The following KAZN variants were observed in gnomAD, a reference collection of about 807,000 sequenced individuals.
The protein encoded by KAZN is kazrin.
Under a neutral mutation model 87.4 loss-of-function variants are expected in KAZN, and 40 were observed. The observed-to-expected ratio is 0.46, with a 90% CI of 0.36 to 0.60. The LOEUF (loss-of-function observed/expected upper bound fraction) is 0.60, where lower values mean the gene tolerates loss of function less well. Ranked by LOEUF, KAZN falls within the 20% of genes least tolerant of loss-of-function variation. The pLI is 0.00. For synonymous variants in KAZN, 466 were observed against 458.3 expected, an observed-to-expected ratio of 1.02 and a Z score of -0.22; for missense variants, 898 against 1,073.9, an observed-to-expected ratio of 0.84 and a Z score of 2.29.
intron 2 of KAZN, among the ~76,000 whole-genome samples, chr1:14,376,731 CCT>C (rs1660945890): frequency 6.6e-6 from 1 of 152,164 alleles, no homozygotes; most frequent in Non-Finnish European, 1.5e-5. Context: ...AATCATATGA[CCT>C]CTGTGTGCAG....
chr1:14,782,695 T>C (rs1029354432), intron 1 of KAZN, among the ~76,000 whole-genome samples: 16 of 152,144 alleles, frequency 1.1e-4, no homozygotes, highest in African/African-American at 2.2e-4. Flanking sequence ...TAAGTTTCTA[T>C]GGAAACAATT....
At chr1:14,727,828 T>G (rs899126098) in intron 1 of KAZN, among the ~76,000 whole-genome samples, 1 of 152,038 alleles carries the variant, frequency 6.6e-6, no homozygotes, top group Non-Finnish European at 1.5e-5. Context: ...CTCACCATTG[T>G]GTAGAATTCG....
rs138964840 is a variant in KAZN at position 14,235,412 on chromosome 1, T to A, written c.249+54820T>A. Among the ~76,000 whole-genome samples the A allele has an allele frequency of 2.4e-3, 372 of 152,310 alleles. 2 individuals carry two copies. Among genetic ancestry groups the A allele is most frequent in the African/African-American group, 7.9e-3 (327 of 41,566 alleles). On this transcript the variant is annotated intron_variant, in intron 2 of 16. Coordinates refer to the KAZN transcript ENST00000636203. ...ATTTATGCGAATGGTCTAGGATAGA[T>A]AAATTCATAGTCAGAAAGCAGATTA... is the stretch of plus-strand genomic sequence containing the variant.
At chr1:14,209,351 G>A (rs1458153737) in intron 2 of KAZN, among the ~76,000 whole-genome samples, 1 of 152,170 alleles carries the variant, frequency 6.6e-6, no homozygotes, top group Non-Finnish European at 1.5e-5. Flanking sequence ...GGCCCAAGAG[G>A]CCTGGAGGTC....
At chr1:15,031,827 T>C (rs940641939) in intron 2 of KAZN, among the ~76,000 whole-genome samples, 2 of 152,066 alleles carry the variant, frequency 1.3e-5, no homozygotes, top group Admixed American at 1.3e-4. Flanking sequence ...TCCAGGCTAG[T>C]CTCGAGCTCC....
chr1:14,490,025 A>G (rs1669564810), intron 2 of KAZN, among the ~76,000 whole-genome samples: 1 of 152,202 alleles, frequency 6.6e-6, no homozygotes. Flanking sequence ...GAGAATGAGC[A>G]TGCCACTTCA....
chr1:14,196,271 C>T (rs1646523833), intron 2 of KAZN, among the ~76,000 whole-genome samples: 1 of 152,052 alleles, frequency 6.6e-6, no homozygotes, highest in African/African-American at 2.4e-5. Context: ...AAGGGGGAGC[C>T]TATGGGGGAT....
rs116259056 is a variant in KAZN at position 15,040,925 on chromosome 1, C to G, written c.556-3064C>G. ...CACTTTCATCTCACCACTGTCACCT[C>G]CCCAGCCAGACTTTTTTTGTTTTTT... On this transcript the variant is annotated intron_variant, in intron 3 of 14. Coordinates refer to ENST00000376030, the MANE Select transcript of KAZN (RefSeq NM_201628.3). Among the ~76,000 whole-genome samples, 1,117 of 151,888 alleles carry G rather than the reference C, an allele frequency of 7.4e-3. 12 individuals carry two copies. Among genetic ancestry groups the G allele is most frequent in the African/African-American group, 0.026 (1,081 of 41,480 alleles).
chr1:14,536,361 A>G (rs1039915558), intron 2 of KAZN, among the ~76,000 whole-genome samples: 9 of 152,180 alleles, frequency 5.9e-5, no homozygotes, highest in African/African-American at 1.7e-4. Flanking sequence ...GGGAGAGTGG[A>G]TGAGGTCCTG....
At chr1:14,078,857 A>G (rs1272895951) in intron 1 of KAZN, among the ~76,000 whole-genome samples, 1 of 151,964 alleles carries the variant, frequency 6.6e-6, no homozygotes, top group African/African-American at 2.4e-5. Context: ...GCTAATTTTT[A>G]TATTTTTAGT....
At chr1:14,471,901 A>G (rs1668474915) in intron 2 of KAZN, among the ~76,000 whole-genome samples, 1 of 152,248 alleles carries the variant, frequency 6.6e-6, no homozygotes, top group Non-Finnish European at 1.5e-5. Context: ...CAGAAGCTCT[A>G]GGACTATGTA....
chr1:13,985,998 A>T (rs1266674672), intron 1 of KAZN, among the ~76,000 whole-genome samples: 1 of 152,230 alleles, frequency 6.6e-6, no homozygotes, highest in Admixed American at 6.5e-5. Flanking sequence ...TTGTGTGGGC[A>T]TAAGTTTTCA....
intron 1 of KAZN, among the ~76,000 whole-genome samples, chr1:14,766,379 C>T (rs1644884183): frequency 6.6e-6 from 1 of 151,932 alleles, no homozygotes; most frequent in Admixed American, 6.6e-5. Flanking sequence ...CTGAGCTGCC[C>T]CAGAGGCTGG....
At chr1:14,938,305 G>A (rs1660679321) in intron 1 of KAZN, among the ~76,000 whole-genome samples, 2 of 152,198 alleles carry the variant, frequency 1.3e-5, no homozygotes, top group Admixed American at 1.3e-4. Context: ...ACTTTGGGAG[G>A]CCAAGGCAGG....
At chr1:14,689,411 C>T (rs1346820151) in intron 1 of KAZN, among the ~76,000 whole-genome samples, 2 of 152,148 alleles carry the variant, frequency 1.3e-5, no homozygotes, top group Non-Finnish European at 2.9e-5. Context: ...AGGCCTCTTC[C>T]ATATGCTGGA....
In KAZN at chr1:14,711,224, G is replaced by A. The variant is rs528304037; in HGVS notation, c.226+112001G>A. Among the ~76,000 whole-genome samples the A allele has an allele frequency of 9.9e-5, 15 of 151,950 alleles. 1 individual carries two copies. The South Asian group carries it at 3.1e-3, about 32-fold the overall frequency. On this transcript the variant is annotated intron_variant, in intron 1 of 14. Transcript: ENST00000376030. Reference sequence around the variant, plus strand: ...CGAAAAGAAGTATTATTGAAGGAATGAGCCAGGCATGGCAGCATGCACCTG... The same window carrying A: ...CGAAAAGAAGTATTATTGAAGGAATAAGCCAGGCATGGCAGCATGCACCTG...
intron 2 of KAZN, among the ~76,000 whole-genome samples, chr1:14,521,117 T>C (rs1482180660): frequency 6.6e-6 from 1 of 151,972 alleles, no homozygotes; most frequent in East Asian, 1.9e-4. Context: ...TGCCACAGGG[T>C]GTTACAGGCA....
chr1:14,660,223 C>G lies in KAZN; in HGVS notation c.226+61000C>G, dbSNP rs72865070. ...ACAGATGCCTCGATCTCCCCATAAC[C>G]GGGCAATGGACCCCTGCTCTTGGGA... On this transcript the variant is annotated intron_variant, in intron 1 of 14. Transcript: ENST00000376030. Among the ~76,000 whole-genome samples the G allele has an allele frequency of 3.7e-3, 556 of 152,234 alleles. 4 individuals are homozygous for G. Among genetic ancestry groups the G allele is most frequent in the African/African-American group, 0.013 (533 of 41,526 alleles).
At chr1:14,370,262 T>C (rs1660369172) in intron 2 of KAZN, among the ~76,000 whole-genome samples, 1 of 152,144 alleles carries the variant, frequency 6.6e-6, no homozygotes, top group African/African-American at 2.4e-5. Context: ...TGGGGAGGAC[T>C]GGTCCTGGGT....
Sources: gnomAD v4.1 joint callset for allele counts (sites outside exome capture counted in the v4.1 genomes callset) on GRCh38, gnomAD v4.1.1 for gene constraint, MANE v1.5 for transcripts, NCBI Gene and HGNC (gene_info 2026-07-23, HGNC 2026-07-21) for gene names.